The following MTREX variants were observed in gnomAD, a reference collection of about 807,000 sequenced individuals.
The protein encoded by MTREX is exosome RNA helicase MTR4.
In MTREX, 76 loss-of-function variants were observed where a neutral mutation model predicts 135.4. That is an observed-to-expected ratio of 0.56 (90% CI 0.47 to 0.68). MTREX has a LOEUF of 0.68. Among genes scored for constraint, MTREX ranks in the 30% least tolerant of loss-of-function variants. MTREX has a pLI of 0.00. For missense variants in MTREX, 920 were observed against 1,262.1 expected (o/e 0.73, Z 4.11); for synonymous variants, 404 against 401.6 (o/e 1.01, Z -0.07).
At chr5:55,420,919 A>G (rs1751044786) in intron 25 of MTREX, among the ~76,000 whole-genome samples, 1 of 152,224 alleles carries the variant, frequency 6.6e-6, no homozygotes, top group Non-Finnish European at 1.5e-5. Flanking sequence ...AAAGGGCAGT[A>G]ACTGACTTGT....
At chr5:55,314,580 A>T (rs1401473372) in intron 1 of MTREX, among the ~76,000 whole-genome samples, 1 of 152,196 alleles carries the variant, frequency 6.6e-6, no homozygotes, top group African/African-American at 2.4e-5. Flanking sequence ...AGTGGCAAGG[A>T]AATGGATTTT....
chr5:55,342,200 C>T (rs1170061591), intron 7 of MTREX, among the ~76,000 whole-genome samples: 1 of 152,120 alleles, frequency 6.6e-6, no homozygotes, highest in African/African-American at 2.4e-5. Context: ...GTGAACCGCA[C>T]CCAGCCTTGC....
intron 7 of MTREX, among the ~76,000 whole-genome samples, chr5:55,342,899 C>A (rs1749673644): frequency 6.6e-6 from 1 of 152,176 alleles, no homozygotes; most frequent in Admixed American, 6.5e-5. Context: ...TCAAGTCTTT[C>A]TTTCATCTCC....
intron 21 of MTREX, among the ~76,000 whole-genome samples, chr5:55,403,974 ACTTAGTAAT>A: frequency 6.6e-6 from 1 of 152,218 alleles, no homozygotes; most frequent in East Asian, 1.9e-4. Context: ...TGACCAATTT[ACTTAGTAAT>A]CTCTCCGTGC....
intron 22 of MTREX, among the ~76,000 whole-genome samples, chr5:55,409,363 G>C (rs1750853402): frequency 6.6e-6 from 1 of 152,126 alleles, no homozygotes; most frequent in African/African-American, 2.4e-5. Context: ...TTTGCTAAAA[G>C]GACTTGTAAT....
At chr5:55,310,997 G>A (rs1432634876) in intron 1 of MTREX, among the ~76,000 whole-genome samples, 1 of 151,690 alleles carries the variant, frequency 6.6e-6, no homozygotes, top group Non-Finnish European at 1.5e-5. Flanking sequence ...GCCCAGGCTG[G>A]TTTCAAACTC....
At chr5:55,351,201 G>A (rs371959140) in intron 13 of MTREX, among the ~76,000 whole-genome samples, 172 bp downstream of exon 13, 1 of 152,114 alleles carries the variant, frequency 6.6e-6, no homozygotes, top group Non-Finnish European at 1.5e-5. Context: ...AAATCTTGAA[G>A]TGTAGGTAAA....
intron 1 of MTREX, among the ~76,000 whole-genome samples, chr5:55,311,085 G>A (rs1327787120): frequency 1.3e-5 from 2 of 152,138 alleles, no homozygotes; most frequent in African/African-American, 4.8e-5. Flanking sequence ...CACAGCCAGT[G>A]AGTACTTTTT....
At chr5:55,389,053 A>G (rs1750524433) in intron 19 of MTREX, among the ~76,000 whole-genome samples, 1 of 152,222 alleles carries the variant, frequency 6.6e-6, no homozygotes, top group Non-Finnish European at 1.5e-5. Flanking sequence ...GACGATTTAA[A>G]TGTTTATTTA....
At chr5:55,358,488 T>C (rs1561196559) in intron 14 of MTREX, 85 bp from the exon 15 acceptor site, 2 of 1,173,870 alleles carry the variant, frequency 1.7e-6, no homozygotes, top group Non-Finnish European at 2.4e-6. Context: ...TAACTTGTTA[T>C]AAATTTTATA....
At position 55,414,244 on chromosome 5, in the gene MTREX, G is replaced by GTT. The variant is rs201611017; in HGVS notation, c.2808+23_2808+24dup. Reference sequence around the variant, plus strand: ...GACCACTTCGTCAAATGCAGGTAAGGTTTTTTTTTTTTTTTTTTGAACTAC... The same window carrying GTT: ...GACCACTTCGTCAAATGCAGGTAAGGTTTTTTTTTTTTTTTTTTTTGAACTAC... On this transcript the variant is annotated splice_region_variant and intron_variant, in intron 24 of 26. Transcript: ENST00000230640. The GTT allele has an allele frequency of 0.035, 46,082 of 1,312,340 alleles. 37 individuals are homozygous for GTT. The highest frequency in any genetic ancestry group is 0.045 in the East Asian group (1,694 of 37,968). 81.3% of individuals were successfully genotyped at this position (1,312,340 alleles called of 1,614,324 possible).
chr5:55,321,026 A>G (rs2112029786), intron 1 of MTREX, among the ~76,000 whole-genome samples: 1 of 152,336 alleles, frequency 6.6e-6, no homozygotes, highest in African/African-American at 2.4e-5. Context: ...AAACTATGCC[A>G]TTCTCGTTAA....
intron 23 of MTREX, 114 bp downstream of exon 23, chr5:55,410,743 A>T (rs532271638): frequency 6.0e-6 from 3 of 504,014 alleles, no homozygotes; most frequent in African/African-American, 5.9e-5. Context: ...AGGTAATGTT[A>T]ATTGGAAATC....
At chr5:55,396,012 T>G (rs1431971092) in intron 19 of MTREX, among the ~76,000 whole-genome samples, 3 of 152,208 alleles carry the variant, frequency 2.0e-5, no homozygotes, top group Non-Finnish European at 4.4e-5. Flanking sequence ...TGTCTCGACA[T>G]TAGATTTTCC....
chr5:55,372,143 T>C (rs980346242), intron 16 of MTREX, among the ~76,000 whole-genome samples: 1 of 152,144 alleles, frequency 6.6e-6, no homozygotes, highest in African/African-American at 2.4e-5. Context: ...CAGTGTGCAG[T>C]CTCCATTTTC....
chr5:55,333,377 A>G (rs934586045), intron 5 of MTREX, among the ~76,000 whole-genome samples: 3 of 152,192 alleles, frequency 2.0e-5, no homozygotes, highest in Admixed American at 6.6e-5. Flanking sequence ...AGGCACAGGT[A>G]TAGAAGAAGA....
At chr5:55,314,054 A>G (rs1179095083) in intron 1 of MTREX, among the ~76,000 whole-genome samples, 1 of 151,512 alleles carries the variant, frequency 6.6e-6, no homozygotes, top group Non-Finnish European at 1.5e-5. Flanking sequence ...ACATGGTACT[A>G]TTTTCAGTCT....
At chr5:55,309,381 G>T (rs986907606) in intron 1 of MTREX, among the ~76,000 whole-genome samples, 5 of 152,154 alleles carry the variant, frequency 3.3e-5, no homozygotes, top group Admixed American at 2.6e-4. Flanking sequence ...TACTATAATA[G>T]TATAGGGAAA....
intron 21 of MTREX, among the ~76,000 whole-genome samples, chr5:55,403,600 G>A (rs943940869): frequency 3.9e-5 from 6 of 152,132 alleles, no homozygotes; most frequent in Admixed American, 6.5e-5. Context: ...TTATTAGCAC[G>A]ATGCTTTGCT....
Sources: gnomAD v4.1 joint callset for allele counts (sites outside exome capture counted in the v4.1 genomes callset) on GRCh38, gnomAD v4.1.1 for gene constraint, MANE v1.5 for transcripts, NCBI Gene and HGNC (gene_info 2026-07-23, HGNC 2026-07-21) for gene names.